PHF21A: variants seen among roughly 807,000 people sequenced by gnomAD.
The protein encoded by PHF21A is BHC80a.
Under a neutral mutation model 82.5 loss-of-function variants are expected in PHF21A, and 11 were observed. That is an observed-to-expected ratio of 0.13 (90% CI 0.08 to 0.22). The LOEUF is 0.22. Ranked by LOEUF, PHF21A falls within the 10% of genes least tolerant of loss-of-function variation. The pLI is 1.00. For missense variants in PHF21A, 579 were observed against 837.8 expected (o/e 0.69, Z 3.81); for synonymous variants, 297 against 302.8 (o/e 0.98, Z 0.20).
At chr11:45,936,626 T>C (rs1427379257) in intron 16 of PHF21A, 57 bp from the exon 17 acceptor site, 12 of 1,104,756 alleles carry the variant, frequency 1.1e-5, no homozygotes, top group East Asian at 9.4e-5. Flanking sequence ...ACATCCTCTA[T>C]GTAACAGCTA....
At chr11:45,968,065 T>C (rs796090203) in intron 9 of PHF21A, among the ~76,000 whole-genome samples, 39 of 152,300 alleles carry the variant, frequency 2.6e-4, no homozygotes, top group African/African-American at 9.4e-4. Context: ...CCTATTTGCA[T>C]AGGGTTGTTG....
chr11:45,935,578 G>T (rs780886526), intron 18 of PHF21A, 58 bp downstream of exon 18: 3 of 888,602 alleles, frequency 3.4e-6, no homozygotes, highest in Non-Finnish European at 5.6e-6. Flanking sequence ...ACGTATATTG[G>T]AAAGGCCTAG....
Position 45,974,643 on chromosome 11 carries a change from C to T in PHF21A, c.361-3276G>A, listed in dbSNP as rs1019358081. 7.3e-5 allele frequency among the ~76,000 whole-genome samples: 11 copies of T among 151,706 alleles called. No homozygotes were observed. In the South Asian group the frequency reaches 8.3e-4, roughly 11 times the overall value. ...TAATTTTTTTTATTTTTAGTAGAGA[C>T]GTGATCTCGCTATGTTGCCCAGGCT... On this transcript the variant is annotated intron_variant, in intron 7 of 18. Coordinates refer to ENST00000676320, the MANE Select transcript of PHF21A (RefSeq NM_001352027.3).
intron 10 of PHF21A, among the ~76,000 whole-genome samples, chr11:45,958,296 T>G (rs1247094178): frequency 7.1e-6 from 1 of 141,322 alleles, no homozygotes; most frequent in Non-Finnish European, 1.5e-5. Flanking sequence ...GAATAGAAAA[T>G]GGGCTGGGCG....
chr11:45,962,936 ATTATT>A (rs1207332089), intron 10 of PHF21A, among the ~76,000 whole-genome samples: 1 of 151,832 alleles, frequency 6.6e-6, no homozygotes, highest in African/African-American at 2.4e-5. Flanking sequence ...TACAAAAGAA[ATTATT>A]TTAATTCTTA....
At chr11:45,962,005 T>A (rs2093116221) in intron 10 of PHF21A, among the ~76,000 whole-genome samples, 1 of 152,170 alleles carries the variant, frequency 6.6e-6, no homozygotes, top group African/African-American at 2.4e-5. Context: ...GAAGGACACG[T>A]GAGACCACTG....
intron 15 of PHF21A, among the ~76,000 whole-genome samples, chr11:45,945,592 G>C (rs1380602570): frequency 6.6e-6 from 1 of 152,106 alleles, no homozygotes; most frequent in Admixed American, 6.6e-5. Context: ...ATTCACAGTA[G>C]ATCAAATTCA....
chr11:45,998,465 C>T (rs1174195153), intron 6 of PHF21A, among the ~76,000 whole-genome samples: 1 of 151,870 alleles, frequency 6.6e-6, no homozygotes, highest in African/African-American at 2.4e-5. Context: ...GTTTCCACAT[C>T]TATTTTAGGA....
At chr11:46,049,284 T>C (rs118047297) in intron 6 of PHF21A, 2 of 342,398 alleles carry the variant, frequency 5.8e-6, no homozygotes, top group East Asian at 1.7e-4. Flanking sequence ...CAAATCCTGA[T>C]AGTAAGGTAT....
intron 9 of PHF21A, among the ~76,000 whole-genome samples, chr11:45,967,603 C>T (rs1565310867): frequency 6.6e-6 from 1 of 152,192 alleles, no homozygotes; most frequent in Non-Finnish European, 1.5e-5. Context: ...TTTCCTTACA[C>T]CTGAGCTATC....
intron 5 of PHF21A, among the ~76,000 whole-genome samples, chr11:46,078,486 A>T (rs183923351): frequency 6.6e-6 from 1 of 152,312 alleles, no homozygotes; most frequent in East Asian, 1.9e-4. Flanking sequence ...TCAGAAGACA[A>T]GGTAAGTTTT....
chr11:46,093,826 C>T (rs2096956957), intron 1 of PHF21A, among the ~76,000 whole-genome samples: 1 of 152,146 alleles, frequency 6.6e-6, no homozygotes, highest in Non-Finnish European at 1.5e-5. Flanking sequence ...ATTTCTTATG[C>T]ATCGATTTCC....
intron 1 of PHF21A, among the ~76,000 whole-genome samples, chr11:46,109,026 T>G (rs890981028): frequency 6.6e-6 from 1 of 152,200 alleles, no homozygotes; most frequent in Admixed American, 6.5e-5. Context: ...AAAATCAACA[T>G]GAAACAGCCT....
rs199788684 is a variant in PHF21A at position 45,948,883 on chromosome 11, C to T, written c.1288+3G>A. 8.6e-5 allele frequency: 139 copies of T among 1,612,130 alleles called. 1 individual carries two copies. The Middle Eastern group carries it at 1.2e-3, about 13-fold the overall frequency. ...CAAGGGAGAGATACAAAAAGGTCCT[C>T]ACCTCTCTTCCGGGTCCCAGGGTGC... is the stretch of plus-strand genomic sequence containing the variant. On this transcript the variant is annotated splice_donor_region_variant and intron_variant, in intron 14 of 18. Transcript: ENST00000676320.
intron 6 of PHF21A, among the ~76,000 whole-genome samples, chr11:46,050,106 C>A (rs547558292): frequency 2.6e-5 from 4 of 152,332 alleles, no homozygotes; most frequent in African/African-American, 9.6e-5. Flanking sequence ...GGGATTGCCA[C>A]TGAAAGGAAA....
chr11:45,940,256 C>T (rs1044893467), intron 15 of PHF21A, among the ~76,000 whole-genome samples: 2 of 151,392 alleles, frequency 1.3e-5, no homozygotes, highest in African/African-American at 4.9e-5. Context: ...AGGGCAGTGG[C>T]GCGATCTCGG....
intron 6 of PHF21A, among the ~76,000 whole-genome samples, chr11:46,052,336 T>A (rs2096380940): frequency 1.3e-5 from 2 of 152,150 alleles, no homozygotes; most frequent in Non-Finnish European, 2.9e-5. Flanking sequence ...CCTAAATCCA[T>A]CCATGCCTGA....
At chr11:45,971,890 C>CTTTCTTTTTTTTTTTTCTTTTT (rs57081937) in intron 7 of PHF21A, among the ~76,000 whole-genome samples, 1 of 50,294 alleles carries the variant, frequency 2.0e-5, no homozygotes, top group Non-Finnish European at 3.9e-5. Flanking sequence ...CTTTTTCTTT[C>CTTTCTTTTTTTTTTTTCTTTTT]TTTTTTTTTT....
intron 5 of PHF21A, among the ~76,000 whole-genome samples, chr11:46,077,617 C>G (rs976474491): frequency 2.0e-5 from 3 of 152,184 alleles, no homozygotes; most frequent in Non-Finnish European, 4.4e-5. Flanking sequence ...GGTTAGGGAA[C>G]ACATCTTCCT....
Sources: gnomAD v4.1 joint callset for allele counts (sites outside exome capture counted in the v4.1 genomes callset) on GRCh38, gnomAD v4.1.1 for gene constraint, MANE v1.5 for transcripts, NCBI Gene and HGNC (gene_info 2026-07-23, HGNC 2026-07-21) for gene names.